BICRAL: variants seen among roughly 807,000 people sequenced by gnomAD.
BICRAL encodes the protein BICRA like chromatin remodeling complex associated protein.
In BICRAL, 8 loss-of-function variants were observed where a neutral mutation model predicts 91.8. That is an observed-to-expected ratio of 0.09 (90% CI 0.05 to 0.16). The LOEUF (loss-of-function observed/expected upper bound fraction) is 0.16. Among genes scored for constraint, BICRAL ranks in the 10% least tolerant of loss-of-function variants. The pLI, the probability that BICRAL is intolerant of heterozygous loss-of-function variation, is 1.00. For synonymous variants in BICRAL, 445 were observed against 491.1 expected (o/e 0.91, Z 1.24); for missense variants, 1,038 against 1,310.9 (o/e 0.79, Z 3.21).
rs773457475 is a variant in BICRAL at position 42,852,148 on chromosome 6, C to T, written c.1896C>T (p.Asp632=). Residue 632 remains aspartate (D), a synonymous_variant, in exon 7 of 13, where the codon GAC becomes GAT. Transcript: ENST00000314073. The part of the protein sequence containing the change: ...TSPISAPKTT[D]GLRQAQIPGL... ...CCATTTCTGCTCCCAAGACCACAGA[C>T]GGCCTGAGGCAAGCACAGATCCCTG... The T allele has an allele frequency of 2.8e-5, 45 of 1,613,608 alleles. No homozygotes were observed. Among genetic ancestry groups the T allele is most frequent in the South Asian group, 2.3e-4 (21 of 91,078 alleles).
At chr6:42,837,466 A>T (rs578061069) in intron 6 of BICRAL, among the ~76,000 whole-genome samples, 1 of 151,768 alleles carries the variant, frequency 6.6e-6, no homozygotes, top group South Asian at 2.1e-4. Context: ...AAAAAATCAA[A>T]TGGGGCCGGG....
chr6:42,802,429 TTGTTG>T (rs1480212704), intron 1 of BICRAL, among the ~76,000 whole-genome samples: 3 of 62,034 alleles, frequency 4.8e-5, no homozygotes, highest in South Asian at 6.8e-4. Context: ...GTGTTTTTTT[TTGTTG>T]TTGTTGTTGT....
chr6:42,828,262 G>A (rs1336119446), intron 5 of BICRAL, among the ~76,000 whole-genome samples: 2 of 152,002 alleles, frequency 1.3e-5, no homozygotes, highest in African/African-American at 4.8e-5. Flanking sequence ...TTAGCTGGGC[G>A]CGGTGGCAGG....
chr6:42,760,479 G>A (rs1762528105), intron 1 of BICRAL, among the ~76,000 whole-genome samples: 1 of 152,080 alleles, frequency 6.6e-6, no homozygotes, highest in Non-Finnish European at 1.5e-5. Context: ...TAAAGAGGTA[G>A]GTGCCTTAGC....
chr6:42,755,861 A>G (rs151169081), intron 1 of BICRAL, among the ~76,000 whole-genome samples: 5,898 of 151,634 alleles, frequency 0.039, 366 homozygotes, highest in African/African-American at 0.13. Context: ...TTTAGTAGAG[A>G]TGGGGTTTCA....
chr6:42,866,559 T>C lies in BICRAL; in HGVS notation c.*1113T>C. 1 of 231,636 alleles carries C rather than the reference T, an allele frequency of 4.3e-6. No homozygotes were observed. Among genetic ancestry groups the C allele is most frequent in the East Asian group, 1.0e-4 (1 of 9,610 alleles). The allele number at this position is 231,636 out of a possible 1,614,324, so 14.3% of individuals were successfully genotyped here. A position where few individuals can be genotyped will look rare whatever the true frequency, so the allele number is the denominator to read the frequency against. ...GAGACTCTGGCCTTGTTTATGCTTC[T>C]TGTCTGAGAACAGTAGTGACCCCTG... On this transcript the variant is annotated 3_prime_UTR_variant, in exon 13 of 13. Coordinates refer to ENST00000314073, the MANE Select transcript of BICRAL (RefSeq NM_001393499.1).
At position 42,760,359 on chromosome 6, in the gene BICRAL, TA is replaced by T. The variant is rs59668032; in HGVS notation, c.-261+13352del. 4.1e-3 allele frequency among the ~76,000 whole-genome samples: 521 copies of T among 125,864 alleles called. 1 individual carries two copies. Among genetic ancestry groups the T allele is most frequent in the Admixed American group, 8.7e-3 (108 of 12,402 alleles). The allele number at this position is 125,864 out of a possible 152,430, so 82.6% of individuals were successfully genotyped here. On this transcript the variant is annotated intron_variant, in intron 1 of 14. Coordinates refer to the BICRAL transcript ENST00000614467. ...CATGAAGAAACCCCATCTCTACTAC[TA>T]AAAAAAAAAAAAAAAGTGGGTCAGG...
intron 6 of BICRAL, among the ~76,000 whole-genome samples, chr6:42,845,195 G>GTTTTTTTTT (rs748804344): frequency 2.3e-4 from 6 of 25,612 alleles, no homozygotes; most frequent in Non-Finnish European, 5.1e-4. Context: ...TTTTTTGGGT[G>GTTTTTTTTT]TTTTTTTTTT....
rs774571075 is a variant in BICRAL, at chr6:42,865,374, G to C, written c.3168G>C (p.Pro1056=). Residue 1056 remains proline (P), a synonymous_variant, in exon 13 of 13, where the codon CCG becomes CCC. Coordinates refer to ENST00000314073, the MANE Select transcript of BICRAL (RefSeq NM_001393499.1). ...SQENCLEKFI[P]DHSEGVVETD... is the part of the protein sequence containing the mutation. Reference sequence around the variant, plus strand: ...AAAACTGCCTGGAAAAGTTCATCCCGGACCACAGTGAAGGTGTTGTAGAAA... The same window carrying C: ...AAAACTGCCTGGAAAAGTTCATCCCCGACCACAGTGAAGGTGTTGTAGAAA... 8.7e-6 allele frequency: 14 copies of C among 1,613,250 alleles called. No individual in the cohort carries two copies. The highest frequency in any genetic ancestry group is 1.2e-5 in the Non-Finnish European group (14 of 1,179,444).
In BICRAL at chr6:42,866,912, C is replaced by G. The variant is rs1473266155; in HGVS notation, c.*1466C>G. 3 of 455,650 alleles carry G rather than the reference C, an allele frequency of 6.6e-6. No homozygotes were observed. The highest frequency in any genetic ancestry group is 6.0e-5 in the African/African-American group (3 of 50,052). 28.2% of individuals were successfully genotyped at this position (455,650 alleles called of 1,614,324 possible). A position where few individuals can be genotyped will look rare whatever the true frequency, so the allele number is the denominator to read the frequency against. On this transcript the variant is annotated 3_prime_UTR_variant, in exon 13 of 13. Coordinates refer to ENST00000314073, the MANE Select transcript of BICRAL (RefSeq NM_001393499.1). ...CTACATGATAGTATTTTTATGCACT[C>G]TTCTCCCACACATACACACACGTGC...
intron 1 of BICRAL, among the ~76,000 whole-genome samples, chr6:42,752,419 T>C (rs1762394653): frequency 1.3e-5 from 2 of 152,200 alleles, no homozygotes; most frequent in African/African-American, 2.4e-5. Flanking sequence ...GAAGGCCTAA[T>C]TTGGGCAAAT....
At chr6:42,819,856 G>A (rs956520718) in intron 2 of BICRAL, among the ~76,000 whole-genome samples, 3 of 152,162 alleles carry the variant, frequency 2.0e-5, no homozygotes, top group Admixed American at 6.5e-5. Context: ...TACCTACTGG[G>A]ACCAGAGGAG....
chr6:42,765,495 T>C (rs988390627), intron 1 of BICRAL, among the ~76,000 whole-genome samples: 1 of 152,238 alleles, frequency 6.6e-6, no homozygotes, highest in African/African-American at 2.4e-5. Flanking sequence ...CTGCTCCATG[T>C]ATGTGTTTAA....
chr6:42,845,195 G>GTTTTGTTTT (rs1764961948), intron 6 of BICRAL, among the ~76,000 whole-genome samples: 1 of 25,568 alleles, frequency 3.9e-5, no homozygotes, highest in African/African-American at 1.1e-4. Flanking sequence ...TTTTTTGGGT[G>GTTTTGTTTT]TTTTTTTTTT....
At chr6:42,835,670 T>C (rs566588255) in intron 6 of BICRAL, among the ~76,000 whole-genome samples, 7 of 152,288 alleles carry the variant, frequency 4.6e-5, no homozygotes, top group Non-Finnish European at 1.0e-4. Context: ...CGGTGTCTCA[T>C]GCCTGTAATC....
intron 6 of BICRAL, among the ~76,000 whole-genome samples, chr6:42,847,782 G>A (rs753180307): frequency 5.9e-4 from 90 of 151,860 alleles, no homozygotes; most frequent in Non-Finnish European, 1.2e-3. Flanking sequence ...AATTAGCCGG[G>A]TGTGGTGCTG....
At chr6:42,844,403 GGAGGCT>G (rs1158704566) in intron 6 of BICRAL, among the ~76,000 whole-genome samples, 2 of 150,428 alleles carry the variant, frequency 1.3e-5, no homozygotes, top group African/African-American at 2.4e-5. Context: ...CAGCTACTCG[GGAGGCT>G]GAGGCAGGAG....
intron 1 of BICRAL, among the ~76,000 whole-genome samples, chr6:42,771,410 G>A (rs1485060970): frequency 1.3e-5 from 2 of 150,708 alleles, no homozygotes; most frequent in Non-Finnish European, 3.0e-5. Context: ...GTGTTGTTAG[G>A]GACCGCCTAG....
At chr6:42,801,597 A>C (rs1056525666) in intron 1 of BICRAL, among the ~76,000 whole-genome samples, 1 of 152,076 alleles carries the variant, frequency 6.6e-6, no homozygotes, top group Non-Finnish European at 1.5e-5. Context: ...TGTTCTCTAA[A>C]ATAGGTCAGA....
Sources: gnomAD v4.1 joint callset for allele counts (sites outside exome capture counted in the v4.1 genomes callset) on GRCh38, gnomAD v4.1.1 for gene constraint, MANE v1.5 for transcripts, NCBI Gene and HGNC (gene_info 2026-07-23, HGNC 2026-07-21) for gene names.